PPP3CA: variants seen among roughly 807,000 people sequenced by gnomAD.
PPP3CA encodes the protein CAM-PRP catalytic subunit.
A neutral mutation model predicts 66.5 loss-of-function variants in PPP3CA; 14 were observed. That is an observed-to-expected ratio of 0.21 (90% CI 0.14 to 0.33). The LOEUF (loss-of-function observed/expected upper bound fraction) is 0.33. Among genes scored for constraint, PPP3CA ranks in the 10% least tolerant of loss-of-function variants. The pLI, the probability that PPP3CA is intolerant of heterozygous loss-of-function variation, is 1.00. For missense variants in PPP3CA, 317 were observed against 639.5 expected, an observed-to-expected ratio of 0.50 and a Z score of 5.44; for synonymous variants, 232 against 226.2, an observed-to-expected ratio of 1.03 and a Z score of -0.23.
At chr4:101,062,916 G>A (rs1186697947) in intron 9 of PPP3CA, among the ~76,000 whole-genome samples, 1 of 151,918 alleles carries the variant, frequency 6.6e-6, no homozygotes, top group Non-Finnish European at 1.5e-5. Context: ...TAAGGAAAAA[G>A]GGTAGACATT....
At chr4:101,128,875 G>A (rs561100653) in intron 2 of PPP3CA, among the ~76,000 whole-genome samples, 22 of 152,052 alleles carry the variant, frequency 1.4e-4, no homozygotes, top group Non-Finnish European at 2.8e-4. Flanking sequence ...CCCCAGTGGT[G>A]GCTGGAAGAC....
At chr4:101,057,578 C>T (rs1012464990) in intron 10 of PPP3CA, among the ~76,000 whole-genome samples, 6 of 152,130 alleles carry the variant, frequency 3.9e-5, no homozygotes, top group Non-Finnish European at 5.9e-5. Flanking sequence ...AAAGTGTGGG[C>T]AGACAATACC....
intron 1 of PPP3CA, among the ~76,000 whole-genome samples, chr4:101,318,397 A>T (rs1728943886): frequency 6.6e-6 from 1 of 152,200 alleles, no homozygotes; most frequent in Non-Finnish European, 1.5e-5. Context: ...TTTTCCTTGA[A>T]TAATGAAATA....
intron 8 of PPP3CA, among the ~76,000 whole-genome samples, chr4:101,069,240 T>C (rs1027983073): frequency 1.3e-5 from 2 of 152,148 alleles, no homozygotes; most frequent in Non-Finnish European, 1.5e-5. Context: ...TATTTTGTTA[T>C]TAGTGGATAC....
Position 101,068,200 on chromosome 4 carries a change from C to T in PPP3CA, c.956-4843G>A, listed in dbSNP as rs562679698. Among the ~76,000 whole-genome samples, 71 of 152,218 alleles carry T rather than the reference C, an allele frequency of 4.7e-4. 1 individual carries two copies. Among genetic ancestry groups the T allele is most frequent in the African/African-American group, 1.6e-3 (66 of 41,538 alleles). ...GAAAAGAAACAAAGATGAGAAGAAACCGAATGGGGGCATTCCAGAATCATA... is the reference window on the plus strand; with the variant it reads ...GAAAAGAAACAAAGATGAGAAGAAATCGAATGGGGGCATTCCAGAATCATA... On this transcript the variant is annotated intron_variant, in intron 8 of 13. Transcript: ENST00000394854.
intron 1 of PPP3CA, among the ~76,000 whole-genome samples, chr4:101,278,134 AAAAAAT>A (rs1401576612): frequency 3.4e-5 from 5 of 146,254 alleles, no homozygotes; most frequent in East Asian, 1.9e-4. Context: ...AAAAAAAAAA[AAAAAAT>A]AAAAAAATTA....
chr4:101,153,817 G>C (rs1005832511), intron 2 of PPP3CA, among the ~76,000 whole-genome samples: 4 of 152,084 alleles, frequency 2.6e-5, no homozygotes, highest in African/African-American at 9.7e-5. Flanking sequence ...CACATTAAGA[G>C]AACCACTGTG....
At chr4:101,312,822 T>C (rs555545108) in intron 1 of PPP3CA, among the ~76,000 whole-genome samples, 1 of 152,292 alleles carries the variant, frequency 6.6e-6, no homozygotes, top group East Asian at 1.9e-4. Flanking sequence ...AAGTGCTTTC[T>C]CCTAAGCACT....
chr4:101,314,340 G>A (rs1364199484), intron 1 of PPP3CA, among the ~76,000 whole-genome samples: 4 of 151,732 alleles, frequency 2.6e-5, no homozygotes, highest in Admixed American at 6.6e-5. Context: ...CGAGGCAGGC[G>A]GATCATGAGG....
At chr4:101,285,462 T>C (rs1265366430) in intron 1 of PPP3CA, among the ~76,000 whole-genome samples, 1 of 152,190 alleles carries the variant, frequency 6.6e-6, no homozygotes, top group Non-Finnish European at 1.5e-5. Flanking sequence ...CATGTTTTTG[T>C]ACGGCTTAAA....
At chr4:101,343,186 G>C (rs1729871540) in intron 1 of PPP3CA, among the ~76,000 whole-genome samples, 1 of 152,246 alleles carries the variant, frequency 6.6e-6, no homozygotes, top group East Asian at 1.9e-4. Flanking sequence ...AGTTAAGGTA[G>C]AAGTCCCATC....
intron 7 of PPP3CA, 95 bp downstream of exon 7, chr4:101,083,091 G>C (rs1729510240): frequency 4.4e-6 from 4 of 901,330 alleles, no homozygotes; most frequent in Non-Finnish European, 6.3e-6. Context: ...TTGGGAGTGA[G>C]CCTGGTAAAA....
At chr4:101,282,034 A>G (rs1321720425) in intron 1 of PPP3CA, among the ~76,000 whole-genome samples, 2 of 152,086 alleles carry the variant, frequency 1.3e-5, no homozygotes, top group Non-Finnish European at 2.9e-5. Context: ...TCCACCCCAT[A>G]CCTTTTCCTG....
chr4:101,252,015 T>A (rs1726692774), intron 1 of PPP3CA, among the ~76,000 whole-genome samples: 2 of 152,174 alleles, frequency 1.3e-5, no homozygotes, highest in African/African-American at 4.8e-5. Context: ...CACACCTTGC[T>A]GAAAACGGGC....
chr4:101,307,270 C>T (rs1728573475), intron 1 of PPP3CA, among the ~76,000 whole-genome samples: 5 of 151,776 alleles, frequency 3.3e-5, no homozygotes, highest in Admixed American at 3.3e-4. Context: ...GATATGTTTG[C>T]CCTAGCTCCA....
At chr4:101,192,120 A>T (rs1724625466) in intron 2 of PPP3CA, among the ~76,000 whole-genome samples, 1 of 152,192 alleles carries the variant, frequency 6.6e-6, no homozygotes, top group Admixed American at 6.5e-5. Context: ...GAGAAATGTA[A>T]ATTGGATCCC....
At chr4:101,218,592 C>T (rs1478082198) in intron 1 of PPP3CA, among the ~76,000 whole-genome samples, 5 of 151,910 alleles carry the variant, frequency 3.3e-5, no homozygotes, top group African/African-American at 1.2e-4. Flanking sequence ...TAATTACTCA[C>T]AGTTTAAATT....
intron 2 of PPP3CA, among the ~76,000 whole-genome samples, chr4:101,194,667 A>G (rs1724728174): frequency 6.6e-6 from 1 of 152,018 alleles, no homozygotes; most frequent in Non-Finnish European, 1.5e-5. Flanking sequence ...CCTGGGTTCA[A>G]GAGATTCTCC....
At chr4:101,272,501 A>T (rs931679991) in intron 1 of PPP3CA, among the ~76,000 whole-genome samples, 1 of 152,214 alleles carries the variant, frequency 6.6e-6, no homozygotes, top group African/African-American at 2.4e-5. Context: ...TTCATCCAAG[A>T]AAAGTATGTT....
Sources: allele counts gnomAD v4.1 joint callset (sites outside exome capture counted in the v4.1 genomes callset), GRCh38; gene constraint gnomAD v4.1.1; transcripts MANE v1.5; gene names NCBI Gene and HGNC (gene_info 2026-07-23, HGNC 2026-07-21).